Variants in ANXA1 observed in about 807,000 individuals in gnomAD.
The protein encoded by ANXA1 is annexin A1, also known as annexin I (lipocortin I).
Under a neutral mutation model 47.9 loss-of-function variants are expected in ANXA1, and 39 were observed. The observed-to-expected ratio is 0.81, with a 90% CI of 0.63 to 1.06. The LOEUF (loss-of-function observed/expected upper bound fraction) is 1.06, where lower values mean the gene tolerates loss of function less well. Ranked by LOEUF, ANXA1 falls within the 50% of genes least tolerant of loss-of-function variation. The probability of loss-of-function intolerance (pLI) is 0.00; values close to 1 mark genes in which losing one functional copy is unlikely to be tolerated. For synonymous variants in ANXA1, 146 were observed against 142.5 expected (o/e 1.02, Z -0.17); for missense variants, 446 against 422.7 (o/e 1.06, Z -0.48).
intron 12 of ANXA1, among the ~76,000 whole-genome samples, 164 bp from the exon 13 acceptor site, chr9:73,169,887 A>G (rs1051772207): frequency 2.6e-5 from 4 of 152,138 alleles, no homozygotes; most frequent in African/African-American, 7.2e-5. Context: ...TTTTTATGCA[A>G]TGATAAAAAA....
rs1434121319 is a variant in ANXA1 at position 73,165,972 on chromosome 9, G to A, written c.707-125G>A. 3.0e-5 allele frequency: 19 copies of A among 623,388 alleles called. No individual in the cohort carries two copies. In the Middle Eastern group the frequency reaches 1.1e-3, roughly 35 times the overall value. The allele number at this position is 623,388 out of a possible 1,614,324, so 38.6% of individuals were successfully genotyped here. A position where few individuals can be genotyped will look rare whatever the true frequency, so the allele number is the denominator to read the frequency against. Reference sequence around the variant, plus strand: ...CACGTTATGATTAATTGGGTATATTGCTTTAAAAGGTGTAGCCAAAGTTGT... The same window carrying A: ...CACGTTATGATTAATTGGGTATATTACTTTAAAAGGTGTAGCCAAAGTTGT... On this transcript the variant is annotated intron_variant, in intron 9 of 12. Coordinates refer to ENST00000257497, the MANE Select transcript of ANXA1 (RefSeq NM_000700.3).
At chr9:73,160,916 C>T in intron 6 of ANXA1, 23 bp downstream of exon 6, 1 of 1,455,616 alleles carries the variant, frequency 6.9e-7, no homozygotes. Context: ...GTCCAACAGT[C>T]CAAACGCCTT....
chr9:73,162,925 T>C, intron 7 of ANXA1, 64 bp downstream of exon 7: 1 of 1,338,568 alleles, frequency 7.5e-7, no homozygotes. Context: ...TAGTCCATTT[T>C]GTGTTGCTAT....
intron 11 of ANXA1, chr9:73,167,828 G>A (rs1824258314): frequency 3.0e-6 from 1 of 338,150 alleles, no homozygotes; most frequent in Non-Finnish European, 5.4e-6. Context: ...CCACGGGAAG[G>A]GTGATGTACT....
chr9:73,152,238 G>T (rs1823984008), intron 1 of ANXA1, among the ~76,000 whole-genome samples: 2 of 152,116 alleles, frequency 1.3e-5, no homozygotes, highest in Non-Finnish European at 2.9e-5. Context: ...AGCCTTAAAA[G>T]AATGTGTTTT....
chr9:73,169,017 A>T lies in ANXA1; in HGVS notation c.862-15A>T. On this transcript the variant is annotated splice_polypyrimidine_tract_variant and intron_variant, in intron 11 of 12. Transcript: ENST00000257497. ...TTCTGAATATGAGACACTTACCCTC[A>T]TTTATTTTGGCCAGGGTGTTGGAAC... The T allele has an allele frequency of 6.3e-7, 1 of 1,599,200 alleles. No individual in the cohort carries two copies. The highest frequency in any genetic ancestry group is 8.5e-7 in the Non-Finnish European group (1 of 1,174,970).
chr9:73,166,094 C>T lies in ANXA1; in HGVS notation c.707-3C>T. On this transcript the variant is annotated splice_polypyrimidine_tract_variant and splice_region_variant and intron_variant, in intron 9 of 12. Coordinates refer to ENST00000257497, the MANE Select transcript of ANXA1 (RefSeq NM_000700.3). ...TGTATCTTAGTTTGAATTTAATATTCAGTGTTTCAGAAATACACCAAGTAC... is the reference window on the plus strand; with the variant it reads ...TGTATCTTAGTTTGAATTTAATATTTAGTGTTTCAGAAATACACCAAGTAC... The T allele has an allele frequency of 6.3e-7, 1 of 1,594,076 alleles. No individual in the cohort carries two copies. Among genetic ancestry groups the T allele is most frequent in the Non-Finnish European group, 8.6e-7 (1 of 1,169,344 alleles).
rs1824205894 is a variant in ANXA1 at position 73,165,151 on chromosome 9, A to T, written c.648A>T (p.Thr216=). Residue 216 remains threonine (T), a synonymous_variant, in exon 9 of 13, where the codon ACA becomes ACT. Transcript: ENST00000257497. ...LYEAGERRKG[T]DVNVFNTILT... ...AAGCAGGAGAAAGGAGAAAGGGGACAGACGTAAACGTGTTCAATACCATCC... is the reference window on the plus strand; with the variant it reads ...AAGCAGGAGAAAGGAGAAAGGGGACTGACGTAAACGTGTTCAATACCATCC... 1 of 1,612,758 alleles carries T rather than the reference A, an allele frequency of 6.2e-7. No individual in the cohort carries two copies.
Position 73,159,658 on chromosome 9 carries a change from G to T in ANXA1, c.270+235G>T, listed in dbSNP as rs12000840. ...ATTGTTTGCAGATGTGGTGCTCTGG[G>T]GACAAATTTTTAATTTGAACGTAAA... On this transcript the variant is annotated intron_variant, in intron 4 of 12. Transcript: ENST00000257497. The T allele has an allele frequency of 0.045, 14,229 of 314,542 alleles. 363 individuals carry two copies. The highest frequency in any genetic ancestry group is 0.062 in the Admixed American group (1,287 of 20,642). The allele number at this position is 314,542 out of a possible 1,614,324, so 19.5% of individuals were successfully genotyped here.
intron 8 of ANXA1, 135 bp downstream of exon 8, chr9:73,163,667 A>T: frequency 1.2e-6 from 1 of 812,262 alleles, no homozygotes; most frequent in Non-Finnish European, 1.9e-6. Context: ...TTCCTGAATG[A>T]GGCATGTCTT....
rs749754271 is a variant in ANXA1, at chr9:73,160,922, G to A, written c.475+29G>A. On this transcript the variant is annotated intron_variant, in intron 6 of 12. Transcript: ENST00000257497. ...AGTTGTAATGTCCAACAGTCCAAAC[G>A]CCTTATTTGAAAAGGAAATCTAATA... 6.2e-5 allele frequency: 89 copies of A among 1,437,370 alleles called. No homozygotes were observed. In the East Asian group the frequency reaches 1.7e-3, roughly 27 times the overall value. The allele number at this position is 1,437,370 out of a possible 1,614,324, so 89.0% of individuals were successfully genotyped here.
At position 73,170,059 on chromosome 9, in the gene ANXA1, C is replaced by T; in HGVS notation, c.993C>T (p.Thr331=). 6.2e-7 allele frequency: 1 copy of T among 1,605,456 alleles called. No individual in the cohort carries two copies. Among genetic ancestry groups the T allele is most frequent in the East Asian group, 2.2e-5 (1 of 44,516 alleles). ...ISLCQAILDE[T]KGDYEKILVA... ...TTTTTTTGAATCAACAGGATGAAACCAAAGGAGATTATGAGAAAATCCTGG... is the reference window on the plus strand; with the variant it reads ...TTTTTTTGAATCAACAGGATGAAACTAAAGGAGATTATGAGAAAATCCTGG... Residue 331 remains threonine, a synonymous_variant, in exon 13 of 13, where the codon ACC becomes ACT. Coordinates refer to ENST00000257497, the MANE Select transcript of ANXA1 (RefSeq NM_000700.3).
Position 73,158,615 on chromosome 9 carries a change from TAATAA to T in ANXA1, c.66+18_66+22del. 6.2e-7 allele frequency: 1 copy of T among 1,611,632 alleles called. No homozygotes were observed. The highest frequency in any genetic ancestry group is 8.5e-7 in the Non-Finnish European group (1 of 1,177,940). The stretch of plus-strand genomic sequence containing the variant: ...CAGGAATATGTTGTAAGTAGAGTGA[TAATAA>T]AATTATGATTACAATATTGAAATAA... On this transcript the variant is annotated intron_variant, in intron 2 of 12. Coordinates refer to ENST00000257497, the MANE Select transcript of ANXA1 (RefSeq NM_000700.3).
chr9:73,161,281 T>C (rs940102619), intron 6 of ANXA1, among the ~76,000 whole-genome samples: 1 of 152,162 alleles, frequency 6.6e-6, no homozygotes, highest in Non-Finnish European at 1.5e-5. Context: ...TTGAAAAGAA[T>C]ATATAATAAC....
intron 6 of ANXA1, among the ~76,000 whole-genome samples, chr9:73,162,177 G>A (rs1244155418): frequency 6.6e-6 from 1 of 152,070 alleles, no homozygotes; most frequent in Non-Finnish European, 1.5e-5. Flanking sequence ...CTCCCAACAG[G>A]CCCCACCTTC....
intron 8 of ANXA1, among the ~76,000 whole-genome samples, 170 bp from the exon 9 acceptor site, chr9:73,164,925 GAAACTGTGGAAGATATTTGAC>G (rs1824201671): frequency 6.6e-6 from 1 of 152,128 alleles, no homozygotes; most frequent in Non-Finnish European, 1.5e-5. Context: ...CACCTTGAGA[GAAACTGTGGAAGATATTTGAC>G]AAACAAAATA....
Position 73,164,042 on chromosome 9 carries a change from T to C in ANXA1, c.612+510T>C, listed in dbSNP as rs1331559760. Among the ~76,000 whole-genome samples, 6 of 152,240 alleles carry C rather than the reference T, an allele frequency of 3.9e-5. No individual in the cohort carries two copies. The East Asian group carries it at 1.2e-3, about 29-fold the overall frequency. Reference sequence around the variant, plus strand: ...ATTGTTTTATTTAGTTTCAGTGACATTGCTGATTATTTATATGCCAAACCA... The same window carrying C: ...ATTGTTTTATTTAGTTTCAGTGACACTGCTGATTATTTATATGCCAAACCA... On this transcript the variant is annotated intron_variant, in intron 8 of 12. Coordinates refer to ENST00000257497, the MANE Select transcript of ANXA1 (RefSeq NM_000700.3).
intron 1 of ANXA1, among the ~76,000 whole-genome samples, chr9:73,152,878 A>G (rs904302825): frequency 6.6e-6 from 1 of 152,194 alleles, no homozygotes; most frequent in African/African-American, 2.4e-5. Context: ...TTCATTTTAA[A>G]TATTTATTAA....
chr9:73,158,455 G>C (rs1331886666), intron 1 of ANXA1, 67 bp from the exon 2 acceptor site: 2 of 1,209,342 alleles, frequency 1.7e-6, no homozygotes, highest in African/African-American at 3.0e-5. Context: ...GTATGTAAGA[G>C]GTGAGGAAGG....
Sources: gnomAD v4.1 joint callset for allele counts (sites outside exome capture counted in the v4.1 genomes callset) on GRCh38, gnomAD v4.1.1 for gene constraint, MANE v1.5 for transcripts, NCBI Gene and HGNC (gene_info 2026-07-23, HGNC 2026-07-21) for gene names.